Variants in RASGEF1A observed in about 807,000 individuals in gnomAD.
RASGEF1A encodes the protein ras-GEF domain-containing family member 1A.
A neutral mutation model predicts 56.4 loss-of-function variants in RASGEF1A; 18 were observed. That is an observed-to-expected ratio of 0.32 (90% CI 0.22 to 0.47). RASGEF1A has a LOEUF of 0.47. RASGEF1A is among the 20% of genes least tolerant of loss of function. The pLI is 1.00. For missense variants in RASGEF1A, 422 were observed against 627.1 expected, an observed-to-expected ratio of 0.67 and a Z score of 3.49; for synonymous variants, 245 against 242.6, an observed-to-expected ratio of 1.01 and a Z score of -0.09.
At chr10:43,251,005 T>C (rs1030576770) in intron 1 of RASGEF1A, among the ~76,000 whole-genome samples, 3 of 152,144 alleles carry the variant, frequency 2.0e-5, no homozygotes, top group Non-Finnish European at 4.4e-5. Flanking sequence ...GAAGGGAATG[T>C]GTGAGGAGGG....
intron 3 of RASGEF1A, chr10:43,202,725 C>T: frequency 2.1e-6 from 1 of 468,914 alleles, no homozygotes; most frequent in Non-Finnish European, 4.4e-6. Context: ...CGGATTCCGC[C>T]CACGTTGCCA....
At chr10:43,197,553 C>T (rs1236109049) in intron 10 of RASGEF1A, among the ~76,000 whole-genome samples, 1 of 152,224 alleles carries the variant, frequency 6.6e-6, no homozygotes, top group African/African-American at 2.4e-5. Flanking sequence ...CTACACCTGC[C>T]CTGCCACCTA....
chr10:43,217,992 A>G (rs969322133), intron 1 of RASGEF1A, among the ~76,000 whole-genome samples: 5 of 152,170 alleles, frequency 3.3e-5, no homozygotes, highest in Admixed American at 2.6e-4. Flanking sequence ...GGATCTAGGC[A>G]TGGGCTGGGC....
At chr10:43,199,502 C>T (rs533201017) in intron 7 of RASGEF1A, among the ~76,000 whole-genome samples, 174 bp downstream of exon 7, 2 of 152,330 alleles carry the variant, frequency 1.3e-5, no homozygotes, top group East Asian at 1.9e-4. Flanking sequence ...TGTCTGTTGT[C>T]ATTGAAGGAA....
At chr10:43,254,969 G>A (rs753652422) in intron 1 of RASGEF1A, among the ~76,000 whole-genome samples, 4 of 152,106 alleles carry the variant, frequency 2.6e-5, no homozygotes, top group South Asian at 2.1e-4. Context: ...TGACACACTC[G>A]GCTGGGAACA....
chr10:43,200,323 C>T, intron 5 of RASGEF1A, 67 bp from the exon 6 acceptor site: 1 of 1,394,716 alleles, frequency 7.2e-7, no homozygotes. Flanking sequence ...ACTGCATAGG[C>T]ATGCGGACAG....
At chr10:43,224,137 C>T (rs1041667410) in intron 1 of RASGEF1A, among the ~76,000 whole-genome samples, 1 of 152,082 alleles carries the variant, frequency 6.6e-6, no homozygotes, top group African/African-American at 2.4e-5. Flanking sequence ...AAAGAAAGCC[C>T]TGGCTGAAAT....
chr10:43,195,930 G>T lies in RASGEF1A; in HGVS notation c.*314C>A. The stretch of plus-strand genomic sequence containing the variant: ...GTTTTTTAAAATATTTTTTTCATAA[G>T]ATGTTAATAATCAAAAGTAGAAAAT... On this transcript the variant is annotated 3_prime_UTR_variant, in exon 13 of 13. Transcript: ENST00000395810. This position sits in a 1 kb window ranked among gnomAD's most constrained non-coding sequence, Gnocchi z 4.2. 4.9e-6 allele frequency: 1 copy of T among 202,138 alleles called. No homozygotes were observed. The highest frequency in any genetic ancestry group is 9.9e-6 in the Non-Finnish European group (1 of 101,274). 12.5% of individuals were successfully genotyped at this position (202,138 alleles called of 1,614,324 possible).
At chr10:43,254,269 A>G (rs1309199742) in intron 1 of RASGEF1A, among the ~76,000 whole-genome samples, 1 of 152,218 alleles carries the variant, frequency 6.6e-6, no homozygotes, top group South Asian at 2.1e-4. Context: ...TGGCACCAGG[A>G]CAGCTGTGGG....
intron 1 of RASGEF1A, among the ~76,000 whole-genome samples, chr10:43,241,472 G>C (rs1840497154): frequency 6.6e-6 from 1 of 152,092 alleles, no homozygotes; most frequent in African/African-American, 2.4e-5. Flanking sequence ...TCTGAACATT[G>C]ACATGTACAT....
chr10:43,222,898 A>C (rs1189062970), intron 1 of RASGEF1A, among the ~76,000 whole-genome samples: 3 of 152,194 alleles, frequency 2.0e-5, no homozygotes, highest in Admixed American at 2.0e-4. Flanking sequence ...ATATTGTCCA[A>C]ATTGAATTAC....
At chr10:43,203,007 C>T (rs552405587) in intron 3 of RASGEF1A, among the ~76,000 whole-genome samples, 4 of 147,646 alleles carry the variant, frequency 2.7e-5, no homozygotes, top group Admixed American at 6.7e-5. Context: ...TGACCCCGCC[C>T]CCTGGTCCCA....
intron 1 of RASGEF1A, among the ~76,000 whole-genome samples, chr10:43,259,425 C>T (rs1004993560): frequency 5.3e-5 from 8 of 152,150 alleles, no homozygotes; most frequent in Non-Finnish European, 1.2e-4. Flanking sequence ...ATCCAAGGGC[C>T]GAGCAGTGCA....
chr10:43,226,559 C>T (rs1293716682), intron 1 of RASGEF1A, among the ~76,000 whole-genome samples: 2 of 152,086 alleles, frequency 1.3e-5, no homozygotes, highest in Non-Finnish European at 2.9e-5. Flanking sequence ...CCCTCAGGAG[C>T]CCCCACGCCT....
intron 1 of RASGEF1A, chr10:43,206,965 T>G: frequency 1.0e-6 from 1 of 985,452 alleles, no homozygotes; most frequent in Non-Finnish European, 1.2e-6. Context: ...CATGGCCCGC[T>G]GTGATGGGGC....
chr10:43,227,981 TG>T (rs1418108068), intron 1 of RASGEF1A, among the ~76,000 whole-genome samples: 1 of 152,072 alleles, frequency 6.6e-6, no homozygotes, highest in Non-Finnish European at 1.5e-5. Flanking sequence ...CCCGGACCAC[TG>T]GGGTGGCACT....
intron 1 of RASGEF1A, chr10:43,229,838 G>A: frequency 3.2e-6 from 3 of 942,394 alleles, no homozygotes; most frequent in Admixed American, 4.4e-5. Flanking sequence ...GCGGGGTCCG[G>A]GCGGGGCAGA....
chr10:43,196,555 G>A lies in RASGEF1A; in HGVS notation c.1349-7C>T. The stretch of plus-strand genomic sequence containing the variant: ...AAGGAGGCGACGAAGAGAGCTGAGA[G>A]ATGGGAAAGTCCCTCAGAGCCTGTG... On this transcript the variant is annotated splice_region_variant and splice_polypyrimidine_tract_variant and intron_variant, in intron 11 of 12. Transcript: ENST00000395810. This position sits in a 1 kb window ranked among gnomAD's most constrained non-coding sequence, Gnocchi z 4.6. 2 of 1,612,982 alleles carry A rather than the reference G, an allele frequency of 1.2e-6. No homozygotes were observed. Among genetic ancestry groups the A allele is most frequent in the Non-Finnish European group, 8.5e-7 (1 of 1,179,850 alleles).
chr10:43,254,518 G>A (rs761178893), intron 1 of RASGEF1A, among the ~76,000 whole-genome samples: 97 of 152,186 alleles, frequency 6.4e-4, no homozygotes, highest in Non-Finnish European at 1.3e-3. Flanking sequence ...CGGCTGCACC[G>A]CTAACCCCCG....
Sources: gnomAD v4.1 joint callset for allele counts (sites outside exome capture counted in the v4.1 genomes callset) on GRCh38, gnomAD v4.1.1 for gene constraint, Gnocchi (gnomAD v3.1) non-coding constraint, MANE v1.5 for transcripts, NCBI Gene and HGNC (gene_info 2026-07-23, HGNC 2026-07-21) for gene names.